Variants in RARB observed in about 807,000 individuals in gnomAD.
RARB encodes the protein retinoic acid receptor beta.
RARB carries 17 observed loss-of-function variants against 51.9 expected under a neutral mutation model. That is an observed-to-expected ratio of 0.33 (90% CI 0.22 to 0.49). RARB has a LOEUF of 0.49. Ranked by LOEUF, RARB falls within the 20% of genes least tolerant of loss-of-function variation. The probability of loss-of-function intolerance (pLI) is 0.99; values close to 1 mark genes in which losing one functional copy is unlikely to be tolerated. For missense variants in RARB, 369 were observed against 550.8 expected (o/e 0.67, Z 3.30); for synonymous variants, 215 against 195.4 (o/e 1.10, Z -0.84).
intron 5 of RARB, among the ~76,000 whole-genome samples, chr3:25,394,964 C>T (rs955123862): frequency 5.3e-5 from 8 of 151,940 alleles, no homozygotes; most frequent in African/African-American, 1.4e-4. Context: ...TGAATACTTT[C>T]ATTATTTTTT....
chr3:25,285,734 A>G (rs1272455825), intron 5 of RARB, among the ~76,000 whole-genome samples: 3 of 152,180 alleles, frequency 2.0e-5, no homozygotes, highest in African/African-American at 4.8e-5. Context: ...CATTTTACCA[A>G]TGAGAGGGTT....
intron 5 of RARB, among the ~76,000 whole-genome samples, chr3:25,402,029 G>T (rs1434430854): frequency 6.6e-6 from 1 of 152,140 alleles, no homozygotes; most frequent in Non-Finnish European, 1.5e-5. Context: ...ACCCACCTCG[G>T]CTTCCCAAAG....
At position 25,233,674 on chromosome 3, in the gene RARB, A is replaced by G. The variant is rs142862384; in HGVS notation, c.178+59099A>G. Among the ~76,000 whole-genome samples the G allele has an allele frequency of 4.6e-3, 695 of 151,996 alleles. 10 individuals carry two copies. Among genetic ancestry groups the G allele is most frequent in the African/African-American group, 0.015 (635 of 41,472 alleles). On this transcript the variant is annotated intron_variant, in intron 5 of 11. Transcript: ENST00000383772. ...CTTTAGCATGAAACCCATATAAGCT[A>G]TAGGGGTGTTGTTGTTGTTGTTGTA...
chr3:25,103,105 G>A (rs1271217986), intron 3 of RARB, among the ~76,000 whole-genome samples: 1 of 152,160 alleles, frequency 6.6e-6, no homozygotes, highest in African/African-American at 2.4e-5. Flanking sequence ...AGATGAGGAA[G>A]CTTGGATCCA....
chr3:24,909,476 C>G (rs542916740), intron 2 of RARB, among the ~76,000 whole-genome samples: 1 of 151,944 alleles, frequency 6.6e-6, no homozygotes, highest in Admixed American at 6.6e-5. Context: ...AGTGTGCACA[C>G]GAGGCCTGTC....
intron 4 of RARB, among the ~76,000 whole-genome samples, chr3:25,138,241 A>G (rs1231919685): frequency 6.6e-6 from 1 of 152,048 alleles, no homozygotes; most frequent in East Asian, 1.9e-4. Flanking sequence ...ATAGATGAAA[A>G]CAGATATATC....
At chr3:25,410,249 C>A (rs1391625507) in intron 5 of RARB, among the ~76,000 whole-genome samples, 5 of 152,196 alleles carry the variant, frequency 3.3e-5, no homozygotes, top group African/African-American at 1.2e-4. Context: ...GCCTAGTCTG[C>A]CTCCCATAAA....
intron 2 of RARB, among the ~76,000 whole-genome samples, chr3:25,480,609 C>A (rs916323978): frequency 3.3e-5 from 5 of 152,104 alleles, no homozygotes; most frequent in African/African-American, 1.2e-4. Context: ...AGAGTCAATC[C>A]TTTTAGTTGT....
intron 3 of RARB, among the ~76,000 whole-genome samples, chr3:25,061,069 A>G (rs1698538767): frequency 6.6e-6 from 1 of 151,822 alleles, no homozygotes; most frequent in Non-Finnish European, 1.5e-5. Flanking sequence ...CATAACTATT[A>G]CCAGAATGGT....
chr3:24,857,505 A>G (rs1028830721), intron 1 of RARB, among the ~76,000 whole-genome samples: 1 of 152,222 alleles, frequency 6.6e-6, no homozygotes, highest in Non-Finnish European at 1.5e-5. Flanking sequence ...CAAATATTAC[A>G]TGGTAGATAC....
At chr3:25,181,643 CT>C (rs1700864078) in intron 5 of RARB, among the ~76,000 whole-genome samples, 1 of 152,184 alleles carries the variant, frequency 6.6e-6, no homozygotes, top group Non-Finnish European at 1.5e-5. Flanking sequence ...AGAACCACCC[CT>C]ACCCCCAAAT....
chr3:25,128,105 G>A (rs577321190), intron 3 of RARB, among the ~76,000 whole-genome samples: 6 of 152,124 alleles, frequency 3.9e-5, no homozygotes, highest in African/African-American at 1.2e-4. Flanking sequence ...CTGGTTCACT[G>A]GGGTATTTAA....
intron 5 of RARB, among the ~76,000 whole-genome samples, chr3:25,320,028 CTTT>C (rs113901586): frequency 7.0e-6 from 1 of 142,360 alleles, no homozygotes. Flanking sequence ...TAAGGATCAT[CTTT>C]TTTTTTTTTT....
intron 2 of RARB, among the ~76,000 whole-genome samples, chr3:24,892,058 A>G (rs1337046928): frequency 1.3e-5 from 2 of 152,046 alleles, no homozygotes; most frequent in African/African-American, 4.8e-5. Context: ...GGAATAACCT[A>G]TGGGGAGACA....
intron 2 of RARB, among the ~76,000 whole-genome samples, chr3:24,958,025 T>A (rs1389163547): frequency 1.3e-5 from 2 of 152,180 alleles, no homozygotes; most frequent in Non-Finnish European, 2.9e-5. Flanking sequence ...TATTGGTGAC[T>A]GTGTTTAACA....
chr3:25,289,446 A>T (rs1233594375), intron 5 of RARB, among the ~76,000 whole-genome samples: 1 of 152,190 alleles, frequency 6.6e-6, no homozygotes, highest in Non-Finnish European at 1.5e-5. Context: ...AGGTCTGTCC[A>T]CAGATGTCTT....
chr3:25,402,903 G>A (rs912635937), intron 5 of RARB, among the ~76,000 whole-genome samples: 2 of 152,016 alleles, frequency 1.3e-5, no homozygotes, highest in African/African-American at 2.4e-5. Context: ...GGTGGCTCAC[G>A]CCTGTAATCC....
At position 25,303,579 on chromosome 3, in the gene RARB, C is replaced by A. The variant is rs1400273369; in HGVS notation, c.178+129004C>A. Among the ~76,000 whole-genome samples, 4 of 152,116 alleles carry A rather than the reference C, an allele frequency of 2.6e-5. No homozygotes were observed. In the East Asian group the frequency reaches 5.8e-4, roughly 22 times the overall value. On this transcript the variant is annotated intron_variant, in intron 5 of 11. Coordinates refer to the RARB transcript ENST00000383772. ...CCTGTGATCTTTTGCTGGGCAGATA[C>A]CAGCAGACATTTGCCACATGGTTGA...
At chr3:25,039,269 T>C (rs1449363791) in intron 2 of RARB, among the ~76,000 whole-genome samples, 1 of 152,192 alleles carries the variant, frequency 6.6e-6, no homozygotes, top group African/African-American at 2.4e-5. Context: ...CCTGCTGTAG[T>C]AGCAGAAAAC....
Sources: gnomAD v4.1 joint callset for allele counts (sites outside exome capture counted in the v4.1 genomes callset) on GRCh38, gnomAD v4.1.1 for gene constraint, MANE v1.5 for transcripts, NCBI Gene and HGNC (gene_info 2026-07-23, HGNC 2026-07-21) for gene names.